PHACTR1: variants seen among roughly 807,000 people sequenced by gnomAD.
PHACTR1 encodes the protein RPEL repeat containing 1.
A neutral mutation model predicts 69.2 loss-of-function variants in PHACTR1; 16 were observed. The observed-to-expected ratio is 0.23, with a 90% CI of 0.16 to 0.35. The LOEUF is 0.35. PHACTR1 is among the 10% of genes least tolerant of loss of function. The pLI, the probability that PHACTR1 is intolerant of heterozygous loss-of-function variation, is 1.00. For synonymous variants in PHACTR1, 312 were observed against 284.5 expected (o/e 1.10, Z -0.97); for missense variants, 510 against 734.7 (o/e 0.69, Z 3.54).
intron 7 of PHACTR1, among the ~76,000 whole-genome samples, chr6:13,205,017 CA>C (rs1203651180): frequency 6.6e-6 from 1 of 152,176 alleles, no homozygotes. Flanking sequence ...GTTGCTGTAA[CA>C]ATACCTGAGG....
At chr6:13,055,230 AT>A (rs1322873587) in intron 5 of PHACTR1, among the ~76,000 whole-genome samples, 1 of 152,188 alleles carries the variant, frequency 6.6e-6, no homozygotes, top group Admixed American at 6.5e-5. Flanking sequence ...TTTCTAAATC[AT>A]TACCCATATA....
At chr6:13,210,414 G>A (rs1016679870) in intron 8 of PHACTR1, among the ~76,000 whole-genome samples, 1 of 152,128 alleles carries the variant, frequency 6.6e-6, no homozygotes, top group Non-Finnish European at 1.5e-5. Context: ...TTGGGGGAAG[G>A]AGCTAGAATC....
At chr6:13,281,152 A>G in intron 12 of PHACTR1, 5 of 1,281,184 alleles carry the variant, frequency 3.9e-6, no homozygotes, top group Non-Finnish European at 5.1e-6. Context: ...GGTTCACTCC[A>G]GACTCTGCCA....
intron 4 of PHACTR1, among the ~76,000 whole-genome samples, chr6:12,984,261 G>A (rs1441341164): frequency 6.6e-6 from 1 of 152,226 alleles, no homozygotes; most frequent in Non-Finnish European, 1.5e-5. Context: ...AGATGGTAAG[G>A]AGATGTATTT....
intron 7 of PHACTR1, among the ~76,000 whole-genome samples, chr6:13,200,812 A>G (rs143646694): frequency 0.028 from 4,298 of 151,792 alleles, 211 homozygotes; most frequent in African/African-American, 0.096. Context: ...ATCATGGCGG[A>G]CACCTGTAGT....
chr6:13,271,927 A>AC (rs1777821648), intron 10 of PHACTR1, among the ~76,000 whole-genome samples: 1 of 152,082 alleles, frequency 6.6e-6, no homozygotes, highest in Non-Finnish European at 1.5e-5. Context: ...CATCATTTCT[A>AC]CCCCTTAGAT....
intron 8 of PHACTR1, among the ~76,000 whole-genome samples, chr6:13,206,933 TG>T (rs1766016958): frequency 6.6e-6 from 1 of 151,942 alleles, no homozygotes. Context: ...GGAATCAGTT[TG>T]TTTTTTTTTT....
intron 5 of PHACTR1, among the ~76,000 whole-genome samples, chr6:13,092,193 T>C (rs1279081998): frequency 6.6e-6 from 1 of 152,162 alleles, no homozygotes; most frequent in Non-Finnish European, 1.5e-5. Flanking sequence ...TAAATATAGA[T>C]GGCGCTTCAC....
intron 8 of PHACTR1, among the ~76,000 whole-genome samples, chr6:13,217,560 A>T (rs1456009598): frequency 6.6e-6 from 1 of 152,202 alleles, no homozygotes; most frequent in Non-Finnish European, 1.5e-5. Context: ...AATGTGGGTC[A>T]TTGGTCCCTG....
At chr6:12,732,699 A>G (rs1252313151) in intron 3 of PHACTR1, among the ~76,000 whole-genome samples, 1 of 152,138 alleles carries the variant, frequency 6.6e-6, no homozygotes, top group Non-Finnish European at 1.5e-5. Flanking sequence ...GCACACACAG[A>G]TTTTTCTAAC....
At chr6:13,203,458 C>G (rs1438819170) in intron 7 of PHACTR1, among the ~76,000 whole-genome samples, 1 of 152,202 alleles carries the variant, frequency 6.6e-6, no homozygotes, top group African/African-American at 2.4e-5. Flanking sequence ...GCCCTTAGAA[C>G]AGTATCTGGC....
chr6:13,145,614 A>G (rs1301022489), intron 5 of PHACTR1, among the ~76,000 whole-genome samples: 1 of 152,230 alleles, frequency 6.6e-6, no homozygotes, highest in African/African-American at 2.4e-5. Context: ...AAATGAGGTT[A>G]TAAATGTGGA....
intron 5 of PHACTR1, among the ~76,000 whole-genome samples, chr6:13,064,691 C>T (rs1177365983): frequency 6.9e-6 from 1 of 144,546 alleles, no homozygotes; most frequent in Non-Finnish European, 1.5e-5. Flanking sequence ...CAGAGTCAGC[C>T]GCTTGTCTCT....
intron 4 of PHACTR1, among the ~76,000 whole-genome samples, chr6:12,931,293 C>T (rs1788843854): frequency 6.6e-6 from 1 of 152,034 alleles, no homozygotes. Context: ...GAAGATAACC[C>T]AAAAGTTACA....
chr6:12,899,086 C>T (rs1319597039), intron 4 of PHACTR1, among the ~76,000 whole-genome samples: 1 of 152,214 alleles, frequency 6.6e-6, no homozygotes, highest in Non-Finnish European at 1.5e-5. Flanking sequence ...TCCCTGCATT[C>T]TCCCAGAGCA....
At chr6:13,034,867 A>T (rs1803069243) in intron 4 of PHACTR1, among the ~76,000 whole-genome samples, 2 of 152,248 alleles carry the variant, frequency 1.3e-5, no homozygotes. Flanking sequence ...GTGAAAAGCC[A>T]GGAAATAGAT....
intron 7 of PHACTR1, among the ~76,000 whole-genome samples, chr6:13,190,967 T>G (rs755036244): frequency 6.6e-6 from 1 of 152,084 alleles, no homozygotes; most frequent in Non-Finnish European, 1.5e-5. Flanking sequence ...TGACCAATAT[T>G]CCTGGTTATA....
chr6:12,873,104 T>G (rs756486008), intron 4 of PHACTR1, among the ~76,000 whole-genome samples: 3 of 151,968 alleles, frequency 2.0e-5, no homozygotes, highest in Non-Finnish European at 4.4e-5. Context: ...CGTCAACTCC[T>G]GGGCTCAAGT....
chr6:12,848,680 G>A (rs1779530441), intron 4 of PHACTR1, among the ~76,000 whole-genome samples: 1 of 152,146 alleles, frequency 6.6e-6, no homozygotes, highest in African/African-American at 2.4e-5. Context: ...TTGAAAATAA[G>A]ACTTGGGAAC....
Sources: allele counts gnomAD v4.1 joint callset (sites outside exome capture counted in the v4.1 genomes callset), GRCh38; gene constraint gnomAD v4.1.1; transcripts MANE v1.5; gene names NCBI Gene and HGNC (gene_info 2026-07-23, HGNC 2026-07-21).